SLAIN1: variants seen among roughly 807,000 people sequenced by gnomAD.
SLAIN1 encodes the protein SLAIN family member 1.
Under a neutral mutation model 55.4 loss-of-function variants are expected in SLAIN1, and 17 were observed. That is an observed-to-expected ratio of 0.31 (90% confidence interval 0.21 to 0.46). The LOEUF (loss-of-function observed/expected upper bound fraction) is 0.46, where lower values mean the gene tolerates loss of function less well. SLAIN1 is among the 20% of genes least tolerant of loss of function. The pLI, the probability that SLAIN1 is intolerant of heterozygous loss-of-function variation, is 1.00. For synonymous variants in SLAIN1, 348 were observed against 337.4 expected (o/e 1.03, Z -0.35); for missense variants, 682 against 785.1 (o/e 0.87, Z 1.57).
Position 77,729,923 on chromosome 13 carries a change from GTGTGTCCA to G in SLAIN1, c.766+10254_766+10261del, listed in dbSNP as rs1419309642. ...ACTCTGTGTGTGTGTGTGTGTGTCC[GTGTGTCCA>G]TCTGTTCGTCCATCCAACGGGAGGA... On this transcript the variant is annotated intron_variant, in intron 2 of 6. Coordinates refer to ENST00000418532, the MANE Select transcript of SLAIN1 (RefSeq NM_001242868.2). Among the ~76,000 whole-genome samples the G allele has an allele frequency of 2.6e-5, 4 of 151,516 alleles. No individual in the cohort carries two copies. The East Asian group carries it at 7.7e-4, about 29-fold the overall frequency.
intron 2 of SLAIN1, among the ~76,000 whole-genome samples, chr13:77,725,287 G>A (rs757234312): frequency 2.0e-5 from 3 of 152,136 alleles, no homozygotes; most frequent in Non-Finnish European, 4.4e-5. Flanking sequence ...TACACACTTT[G>A]TTGCAAAGTG....
Position 77,698,535 on chromosome 13 carries a change from A to G in SLAIN1, c.622A>G (p.Thr208Ala), listed in dbSNP as rs2090997215. Residue 208 changes from threonine (T) to alanine (A), a missense_variant, in exon 1 of 7, where the codon ACC becomes GCC. Coordinates refer to ENST00000418532, the MANE Select transcript of SLAIN1 (RefSeq NM_001242868.2). This position sits in a 1 kb window ranked among gnomAD's most constrained non-coding sequence, Gnocchi z 4.1. ...VAAWRDEDDY[T>A]WLYIGSSKTF... ...CGCCTGGCGGGACGAGGACGACTAC[A>G]CCTGGTACTGCCTGGCTCCGCTCCT... 2 of 1,439,156 alleles carry G rather than the reference A, an allele frequency of 1.4e-6. No homozygotes were observed. The highest frequency in any genetic ancestry group is 2.9e-5 in the Admixed American group (1 of 34,834). The allele number at this position is 1,439,156 out of a possible 1,614,324, so 89.1% of individuals were successfully genotyped here.
intron 4 of SLAIN1, among the ~76,000 whole-genome samples, chr13:77,752,416 T>C (rs188073724): frequency 2.7e-4 from 41 of 152,152 alleles, no homozygotes; most frequent in Admixed American, 2.6e-3. Context: ...TAGGAACAGA[T>C]AGCTAACTGC....
Position 77,757,825 on chromosome 13 carries a change from C to T in SLAIN1, c.1415-3003C>T, listed in dbSNP as rs527917668. 7.2e-5 allele frequency among the ~76,000 whole-genome samples: 11 copies of T among 152,038 alleles called. 1 individual carries two copies. The highest frequency in any genetic ancestry group is 4.1e-4 in the South Asian group (2 of 4,820). Reference sequence around the variant, plus strand: ...TATATACCACAGTTCTTTATCCACCCGTTGGTTGATGGGCACTTAGGTTGG... The same window carrying T: ...TATATACCACAGTTCTTTATCCACCTGTTGGTTGATGGGCACTTAGGTTGG... On this transcript the variant is annotated intron_variant, in intron 5 of 6. Coordinates refer to ENST00000418532, the MANE Select transcript of SLAIN1 (RefSeq NM_001242868.2).
intron 2 of SLAIN1, among the ~76,000 whole-genome samples, chr13:77,723,118 T>A (rs1297129072): frequency 2.0e-5 from 3 of 152,190 alleles, no homozygotes; most frequent in Non-Finnish European, 2.9e-5. Context: ...GCTGTTATAA[T>A]TTATAAGACA....
intron 1 of SLAIN1, among the ~76,000 whole-genome samples, chr13:77,711,019 T>G (rs2154409467): frequency 6.6e-6 from 1 of 152,096 alleles, no homozygotes; most frequent in African/African-American, 2.4e-5. Context: ...AGAAATAAGT[T>G]CTTTAAAACC....
chr13:77,739,117 G>C (rs540701948), intron 2 of SLAIN1, among the ~76,000 whole-genome samples: 1 of 152,100 alleles, frequency 6.6e-6, no homozygotes, highest in African/African-American at 2.4e-5. Flanking sequence ...TTGGAAACCG[G>C]AAGATTGATA....
At chr13:77,754,336 A>C (rs1874449208) in intron 5 of SLAIN1, among the ~76,000 whole-genome samples, 1 of 152,186 alleles carries the variant, frequency 6.6e-6, no homozygotes, top group Non-Finnish European at 1.5e-5. Context: ...TGTACAAGGA[A>C]CTGTGCTAAC....
chr13:77,744,329 C>T lies in SLAIN1; in HGVS notation c.813C>T (p.Asp271=). ...GSPLSPQSSI[D]SELSTSELED... is the part of the protein sequence containing the mutation. ...CACTCAGTCCCCAGTCATCTATCGACAGTGAGCTGAGTACTTCAGAATTGG... is the reference window on the plus strand; with the variant it reads ...CACTCAGTCCCCAGTCATCTATCGATAGTGAGCTGAGTACTTCAGAATTGG... The change falls in exon 3 of 7, where the codon GAC becomes GAT. Residue 271 remains aspartate (D), a synonymous_variant. Transcript: ENST00000418532. The T allele has an allele frequency of 1.9e-6, 3 of 1,612,940 alleles. No homozygotes were observed. Among genetic ancestry groups the T allele is most frequent in the Non-Finnish European group, 2.5e-6 (3 of 1,179,288 alleles).
intron 2 of SLAIN1, among the ~76,000 whole-genome samples, chr13:77,742,526 C>T (rs1873514729): frequency 6.6e-6 from 1 of 151,798 alleles, no homozygotes; most frequent in Non-Finnish European, 1.5e-5. Flanking sequence ...ACTGAATTTA[C>T]ATAAAATGTT....
intron 2 of SLAIN1, among the ~76,000 whole-genome samples, chr13:77,727,568 C>T (rs963606577): frequency 6.1e-4 from 92 of 151,374 alleles, no homozygotes; most frequent in Admixed American, 5.1e-3. Flanking sequence ...AGTGTTAGTT[C>T]TGAGCGTGGG....
chr13:77,746,766 A>T lies in SLAIN1; in HGVS notation c.1169A>T (p.Gln390Leu), dbSNP rs1873849113. The T allele has an allele frequency of 6.2e-7, 1 of 1,613,872 alleles. No homozygotes were observed. The highest frequency in any genetic ancestry group is 8.5e-7 in the Non-Finnish European group (1 of 1,179,836). ...GAGTGTAGGAGGAGCCCCAGTTCCC[A>T]GTATTTTCCTTCAAATAATTACCAG... is the stretch of plus-strand genomic sequence containing the variant. ...IRECRRSPSS[Q>L]YFPSNNYQQQ... The change falls in exon 4 of 7, where the codon CAG becomes CTG. Residue 390 changes from glutamine to leucine, a missense_variant. This residue lies in a region of SLAIN1 where 244 missense variants were observed against 295.2 expected (regional missense o/e 0.83). Coordinates refer to ENST00000418532, the MANE Select transcript of SLAIN1 (RefSeq NM_001242868.2).
intron 2 of SLAIN1, chr13:77,741,404 T>C: frequency 1.0e-6 from 1 of 987,476 alleles, no homozygotes; most frequent in African/African-American, 1.7e-5. Flanking sequence ...TGCATGTCTG[T>C]GTTCTGGCTC....
At chr13:77,707,549 A>C (rs1193303504) in intron 1 of SLAIN1, among the ~76,000 whole-genome samples, 1 of 152,142 alleles carries the variant, frequency 6.6e-6, no homozygotes, top group Non-Finnish European at 1.5e-5. Flanking sequence ...TCATACCCAA[A>C]GGAGGTGCCG....
chr13:77,748,883 C>T (rs1874022233), intron 4 of SLAIN1, among the ~76,000 whole-genome samples: 1 of 152,146 alleles, frequency 6.6e-6, no homozygotes, highest in African/African-American at 2.4e-5. Context: ...TATAATTTCA[C>T]ACCAAACCAT....
rs1208659471 is a variant in SLAIN1, at chr13:77,713,138, A to ACATGGG, written c.627-6385_627-6380dup. Reference sequence around the variant, plus strand: ...GAAAACCTGGGCAATACCATTCAGGACATGGGCATGGGCAAAGACTTCATG... The same window carrying ACATGGG: ...GAAAACCTGGGCAATACCATTCAGGACATGGGCATGGGCATGGGCAAAGACTTCATG... On this transcript the variant is annotated intron_variant, in intron 1 of 6. Coordinates refer to ENST00000418532, the MANE Select transcript of SLAIN1 (RefSeq NM_001242868.2). 2.0e-5 allele frequency among the ~76,000 whole-genome samples: 3 copies of ACATGGG among 152,240 alleles called. No individual in the cohort carries two copies. In the South Asian group the frequency reaches 6.2e-4, roughly 31 times the overall value.
At chr13:77,737,962 G>C (rs1056026931) in intron 2 of SLAIN1, among the ~76,000 whole-genome samples, 4 of 152,078 alleles carry the variant, frequency 2.6e-5, no homozygotes, top group African/African-American at 9.7e-5. Context: ...AATGAATAGA[G>C]AAATGAATTT....
intron 2 of SLAIN1, among the ~76,000 whole-genome samples, chr13:77,723,028 G>A (rs903538809): frequency 6.6e-6 from 1 of 152,082 alleles, no homozygotes; most frequent in Non-Finnish European, 1.5e-5. Context: ...GATTACAGGC[G>A]TGAGCCACTG....
chr13:77,715,015 A>G (rs924452366), intron 1 of SLAIN1, among the ~76,000 whole-genome samples: 1 of 151,970 alleles, frequency 6.6e-6, no homozygotes, highest in Non-Finnish European at 1.5e-5. Context: ...TTACAGGTGC[A>G]TGCCACCACA....
Sources: allele counts gnomAD v4.1 joint callset (sites outside exome capture counted in the v4.1 genomes callset), GRCh38; gene constraint gnomAD v4.1.1; regional missense constraint gnomAD v4.1.1; non-coding constraint Gnocchi (gnomAD v3.1); transcripts MANE v1.5; gene names NCBI Gene and HGNC (gene_info 2026-07-23, HGNC 2026-07-21).